ELAPOR2: variants seen among roughly 807,000 people sequenced by gnomAD.
The protein encoded by ELAPOR2 is endosome/lysosome-associated apoptosis and autophagy regulator family member 2.
In ELAPOR2, 89 loss-of-function variants were observed where a neutral mutation model predicts 120.7. The ratio of observed to expected loss-of-function variants is 0.74; its 90% confidence interval spans 0.62 to 0.88. ELAPOR2 has a LOEUF of 0.88. Ranked by LOEUF, ELAPOR2 falls within the 40% of genes least tolerant of loss-of-function variation. The pLI is 0.00. For missense variants in ELAPOR2, 1,134 were observed against 1,251.6 expected, an observed-to-expected ratio of 0.91 and a Z score of 1.42; for synonymous variants, 444 against 444.9, an observed-to-expected ratio of 1.00 and a Z score of 0.03.
intron 1 of ELAPOR2, among the ~76,000 whole-genome samples, chr7:87,048,529 AAAAAAATAG>A (rs1320537484): frequency 6.6e-6 from 1 of 152,220 alleles, no homozygotes; most frequent in East Asian, 1.9e-4. Context: ...TAATTGGTAC[AAAAAAATAG>A]AAAAAATAAA....
chr7:87,028,489 CT>C (rs1330423451), intron 1 of ELAPOR2, among the ~76,000 whole-genome samples: 1 of 152,028 alleles, frequency 6.6e-6, no homozygotes, highest in Non-Finnish European at 1.5e-5. Flanking sequence ...CCTAGGAGAC[CT>C]TAGAAAAGCC....
At chr7:86,925,759 A>G (rs1223349805) in intron 9 of ELAPOR2, 103 bp from the exon 10 acceptor site, 16 of 1,095,444 alleles carry the variant, frequency 1.5e-5, no homozygotes, top group Non-Finnish European at 2.2e-5. Context: ...CAGGGAGAGA[A>G]GTGGAAAAAA....
chr7:86,997,822 A>G (rs1793175725), intron 1 of ELAPOR2, among the ~76,000 whole-genome samples: 1 of 152,234 alleles, frequency 6.6e-6, no homozygotes, highest in East Asian at 1.9e-4. Context: ...AGTCAGTTGT[A>G]TCACAAAGTG....
At chr7:86,957,058 C>T (rs1791501213) in intron 2 of ELAPOR2, among the ~76,000 whole-genome samples, 1 of 152,138 alleles carries the variant, frequency 6.6e-6, no homozygotes, top group Admixed American at 6.5e-5. Flanking sequence ...GAAGTTCCCC[C>T]AACCATAGCT....
Position 86,912,125 on chromosome 7 carries a change from A to G in ELAPOR2, c.2116T>C (p.Ser706Pro). 1 of 1,612,412 alleles carries G rather than the reference A, an allele frequency of 6.2e-7. No homozygotes were observed. Among genetic ancestry groups the G allele is most frequent in the Non-Finnish European group, 8.5e-7 (1 of 1,178,586 alleles). ...AAATGGAAGTATTTTGTTCCTTTGG[A>G]GGTGAAGCTGGGGCCATTCATTAAT... is the stretch of plus-strand genomic sequence containing the variant. ...GSLMNGPSFT[S>P]KGTKYFHFFN... The change falls in exon 15 of 22, where the codon TCC becomes CCC. Residue 706 changes from serine (S) to proline (P), a missense_variant. Ser to Pro is a moderately conservative substitution (Grantham distance 74, BLOSUM62 -1). Coordinates refer to ENST00000450689, the MANE Select transcript of ELAPOR2 (RefSeq NM_001142749.3).
chr7:86,913,562 C>G (rs1230851995), intron 13 of ELAPOR2, among the ~76,000 whole-genome samples: 1 of 152,038 alleles, frequency 6.6e-6, no homozygotes, highest in Admixed American at 6.6e-5. Context: ...CACATCTTAG[C>G]CTAAATCAAA....
chr7:86,964,983 G>A lies in ELAPOR2; in HGVS notation c.231C>T (p.Gly77=), dbSNP rs1478734435. 1.2e-5 allele frequency: 18 copies of A among 1,551,444 alleles called. No homozygotes were observed. In the East Asian group the frequency reaches 4.2e-4, roughly 36 times the overall value. ...TTGGAATGGCAACTCTCCACCTGGA[G>A]CCACTGCTATCACATTCCGTATATT... ...HFEYTECDSS[G]SRWRVAIPNS... Residue 77 remains glycine (G), a synonymous_variant, in exon 2 of 22, where the codon GGC becomes GGT. Transcript: ENST00000450689.
intron 10 of ELAPOR2, 123 bp downstream of exon 10, chr7:86,925,405 G>T: frequency 1.1e-6 from 1 of 933,558 alleles, no homozygotes; most frequent in Admixed American, 2.3e-5. Context: ...AGATGGGCAA[G>T]CAGCCAAATG....
intron 21 of ELAPOR2, among the ~76,000 whole-genome samples, chr7:86,881,582 T>C (rs1234344265): frequency 1.3e-5 from 2 of 152,034 alleles, no homozygotes; most frequent in Non-Finnish European, 2.9e-5. Context: ...GGTCTCGAAC[T>C]CCTGTCCTCG....
At chr7:86,963,818 C>G (rs200456152) in intron 2 of ELAPOR2, among the ~76,000 whole-genome samples, 1 of 152,270 alleles carries the variant, frequency 6.6e-6, no homozygotes, top group East Asian at 1.9e-4. Context: ...TATACAGATG[C>G]TCTTGTCTCT....
At chr7:86,894,585 A>C (rs1021608647) in intron 19 of ELAPOR2, among the ~76,000 whole-genome samples, 1 of 152,092 alleles carries the variant, frequency 6.6e-6, no homozygotes, top group African/African-American at 2.4e-5. Context: ...AAGAATGCTT[A>C]ACTTTTCAAT....
intron 18 of ELAPOR2, among the ~76,000 whole-genome samples, chr7:86,905,336 A>C (rs1788961924): frequency 6.6e-6 from 1 of 151,898 alleles, no homozygotes; most frequent in Non-Finnish European, 1.5e-5. Context: ...AAAAACCAAA[A>C]CAAACAAACA....
At chr7:86,943,383 C>A (rs1790878809) in intron 4 of ELAPOR2, among the ~76,000 whole-genome samples, 1 of 151,862 alleles carries the variant, frequency 6.6e-6, no homozygotes. Context: ...TATGCAATGC[C>A]CATATGTACA....
chr7:87,046,849 T>C (rs1268213677), intron 1 of ELAPOR2, among the ~76,000 whole-genome samples: 1 of 152,182 alleles, frequency 6.6e-6, no homozygotes, highest in Non-Finnish European at 1.5e-5. Context: ...TCTTGGGCAG[T>C]CCTTTATATC....
intron 14 of ELAPOR2, 71 bp downstream of exon 14, chr7:86,912,870 T>C (rs1789378980): frequency 1.3e-6 from 2 of 1,531,660 alleles, no homozygotes; most frequent in Non-Finnish European, 8.9e-7. Context: ...AGAGAAACAT[T>C]AAGGAGAACG....
chr7:86,956,044 A>G (rs993266838), intron 2 of ELAPOR2, among the ~76,000 whole-genome samples: 9 of 152,190 alleles, frequency 5.9e-5, no homozygotes, highest in African/African-American at 1.9e-4. Context: ...TAAAAGTCAC[A>G]GGATGTGAGT....
intron 1 of ELAPOR2, among the ~76,000 whole-genome samples, chr7:87,057,614 T>G (rs151186541): frequency 6.6e-6 from 1 of 152,342 alleles, no homozygotes; most frequent in East Asian, 1.9e-4. Context: ...TAAGGACCTG[T>G]GATCAAGTGA....
At chr7:86,965,100 A>C in intron 1 of ELAPOR2, 76 bp from the exon 2 acceptor site, 2 of 1,483,854 alleles carry the variant, frequency 1.3e-6, no homozygotes, top group Middle Eastern at 3.4e-4. Flanking sequence ...TATCACCCCA[A>C]GCCCCTGTTT....
chr7:86,992,738 A>G (rs1792986326), intron 1 of ELAPOR2, among the ~76,000 whole-genome samples: 1 of 152,234 alleles, frequency 6.6e-6, no homozygotes, highest in African/African-American at 2.4e-5. Context: ...AGGTGAATTT[A>G]TTTCTATTCA....
Sources: gnomAD v4.1 joint callset for allele counts (sites outside exome capture counted in the v4.1 genomes callset) on GRCh38, gnomAD v4.1.1 for gene constraint, MANE v1.5 for transcripts, NCBI Gene and HGNC (gene_info 2026-07-23, HGNC 2026-07-21) for gene names.